Variants in NPHP4 observed in about 807,000 individuals in gnomAD.
NPHP4 encodes the protein nephrocystin-4.
A neutral mutation model predicts 155.8 loss-of-function variants in NPHP4; 151 were observed. The observed-to-expected ratio is 0.97, with a 90% CI of 0.85 to 1.11. The LOEUF (loss-of-function observed/expected upper bound fraction) is 1.11, where lower values mean the gene tolerates loss of function less well. Among genes scored for constraint, NPHP4 ranks in the 50% least tolerant of loss-of-function variants. The probability of loss-of-function intolerance (pLI) is 0.00; values close to 1 mark genes in which losing one functional copy is unlikely to be tolerated. For synonymous variants in NPHP4, 845 were observed against 816.8 expected (o/e 1.03, Z -0.59); for missense variants, 1,956 against 1,925.7 (o/e 1.02, Z -0.29).
intron 3 of NPHP4, among the ~76,000 whole-genome samples, chr1:5,977,641 C>T (rs1336686999): frequency 1.3e-5 from 2 of 150,958 alleles, no homozygotes; most frequent in African/African-American, 4.9e-5. Context: ...GGAATGTATG[C>T]TGTGCAGTGA....
intron 23 of NPHP4, chr1:5,868,447 T>C (rs1239457777): frequency 4.2e-6 from 1 of 239,666 alleles, no homozygotes; most frequent in African/African-American, 2.3e-5. Context: ...TGAAGAGGTA[T>C]TAATTGGGAC....
chr1:5,873,358 G>T, intron 22 of NPHP4, 23 bp from the exon 23 acceptor site: 2 of 1,604,450 alleles, frequency 1.2e-6, no homozygotes, highest in Non-Finnish European at 1.7e-6. Context: ...AACAGCACAA[G>T]CAGGTCAGGA....
At chr1:5,881,193 G>A (rs1643251477) in intron 18 of NPHP4, 1 of 152,324 alleles carries the variant, frequency 6.6e-6, no homozygotes, top group South Asian at 2.1e-4. Flanking sequence ...GCTGCGCCAG[G>A]TTCCTTCCCC....
At chr1:5,980,392 G>A (rs1411473831) in intron 2 of NPHP4, among the ~76,000 whole-genome samples, 1 of 150,930 alleles carries the variant, frequency 6.6e-6, no homozygotes, top group Admixed American at 6.6e-5. Context: ...GGCCAGGGAG[G>A]AGAGAAGGAA....
chr1:5,911,463 G>A (rs1033485675), intron 11 of NPHP4, among the ~76,000 whole-genome samples: 3 of 152,198 alleles, frequency 2.0e-5, no homozygotes, highest in Admixed American at 1.3e-4. Flanking sequence ...GCCTGTGTGC[G>A]TCCTCTTGGG....
At chr1:5,936,766 C>T (rs1253525559) in intron 9 of NPHP4, among the ~76,000 whole-genome samples, 1 of 152,186 alleles carries the variant, frequency 6.6e-6, no homozygotes, top group Admixed American at 6.5e-5. Flanking sequence ...AAACCAGAGT[C>T]CCTGTGGCGG....
At position 5,947,119 on chromosome 1, in the gene NPHP4, T is replaced by C. The variant is rs777588579; in HGVS notation, c.1104A>G (p.Ala368=). The C allele has an allele frequency of 1.7e-5, 28 of 1,613,902 alleles. 1 individual carries two copies. In the South Asian group the frequency reaches 2.7e-4, roughly 16 times the overall value. ...FQLEYVFSSP[A]GVDGNAASVT... ...CTGTTCTTACATTGCCGTCCACTCC[T>C]GCAGGGCTGCTGAACACGTACTCCA... Residue 368 remains alanine, a synonymous_variant, in exon 9 of 30, where the codon GCA becomes GCG. Transcript: ENST00000378156.
At chr1:5,887,555 G>A (rs1375113050) in intron 17 of NPHP4, 89 bp from the exon 18 acceptor site, 23 of 1,415,896 alleles carry the variant, frequency 1.6e-5, no homozygotes, top group Non-Finnish European at 2.2e-5. Flanking sequence ...CCCCAGCCCA[G>A]CAGGAAAGCC....
intron 20 of NPHP4, chr1:5,875,946 A>G (rs796943262): frequency 2.0e-5 from 3 of 152,398 alleles, no homozygotes; most frequent in African/African-American, 7.2e-5. Context: ...ATGACTTTGG[A>G]CATTCACTTT....
intron 11 of NPHP4, among the ~76,000 whole-genome samples, chr1:5,925,052 T>C (rs907657468): frequency 6.6e-6 from 1 of 152,228 alleles, no homozygotes; most frequent in African/African-American, 2.4e-5. Context: ...TGTTCAGGCA[T>C]TTCTACAGAC....
At chr1:5,983,704 T>A (rs543010441) in intron 2 of NPHP4, among the ~76,000 whole-genome samples, 1 of 152,302 alleles carries the variant, frequency 6.6e-6, no homozygotes. Flanking sequence ...GGAGGTGGTC[T>A]TGGAGGCCCC....
intron 11 of NPHP4, among the ~76,000 whole-genome samples, chr1:5,923,781 G>A (rs1402032933): frequency 6.6e-6 from 1 of 152,138 alleles, no homozygotes; most frequent in African/African-American, 2.4e-5. Flanking sequence ...CAAAGCTTAA[G>A]AATATTTATC....
At chr1:5,940,264 C>T (rs909517984) in intron 9 of NPHP4, among the ~76,000 whole-genome samples, 1 of 152,036 alleles carries the variant, frequency 6.6e-6, no homozygotes, top group South Asian at 2.1e-4. Flanking sequence ...CGAGTTCAGC[C>T]CCCCTTTCTC....
chr1:5,987,490 A>G (rs926028316), intron 1 of NPHP4, among the ~76,000 whole-genome samples: 1 of 151,962 alleles, frequency 6.6e-6, no homozygotes, highest in Non-Finnish European at 1.5e-5. Flanking sequence ...GCAGCAGGGA[A>G]AGCCACTGGG....
intron 26 of NPHP4, 82 bp from the exon 27 acceptor site, chr1:5,865,355 G>A (rs1324588802): frequency 5.5e-6 from 7 of 1,280,662 alleles, no homozygotes; most frequent in African/African-American, 1.5e-5. Flanking sequence ...GCTGCCAGGA[G>A]CGTGGGCAGA....
intron 8 of NPHP4, 101 bp from the exon 9 acceptor site, chr1:5,947,331 G>T: frequency 1.6e-6 from 2 of 1,253,788 alleles, no homozygotes; most frequent in Non-Finnish European, 2.3e-6. Flanking sequence ...GACACCCTGG[G>T]GGACACAGGG....
chr1:5,969,093 T>C lies in NPHP4; in HGVS notation c.446A>G (p.Asp149Gly), dbSNP rs1213879328. 1.3e-6 allele frequency: 2 copies of C among 1,547,840 alleles called. No homozygotes were observed. Among genetic ancestry groups the C allele is most frequent in the Non-Finnish European group, 1.7e-6 (2 of 1,144,488 alleles). Reference protein sequence around the residue: ...QPDSPISASQDKRLRLYHGTP... With the variant: ...QPDSPISASQGKRLRLYHGTP... ...GTAGAAACAAGGCAGGTACCTTTTGTCCTGGGAAGCAGAGATAGGAGAGTC... is the reference window on the plus strand; with the variant it reads ...GTAGAAACAAGGCAGGTACCTTTTGCCCTGGGAAGCAGAGATAGGAGAGTC... Residue 149 changes from aspartate (D) to glycine (G), a missense_variant, in exon 4 of 30, where the codon GAC becomes GGC. Physicochemically the swap from Asp to Gly is moderately conservative, Grantham distance 94 (BLOSUM62 -1). Transcript: ENST00000378156.
At position 5,930,025 on chromosome 1, in the gene NPHP4, G is replaced by C. The variant is rs185455863; in HGVS notation, c.1303-2238C>G. Among the ~76,000 whole-genome samples the C allele has an allele frequency of 4.2e-3, 643 of 152,162 alleles. 6 individuals are homozygous for C. Among genetic ancestry groups the C allele is most frequent in the African/African-American group, 0.014 (596 of 41,526 alleles). ...ATCTACTTCATCTTGGCTGAGTTTT[G>C]GCAATGTGGAGTTTCATATTCATTC... On this transcript the variant is annotated intron_variant, in intron 10 of 29. Transcript: ENST00000378156.
chr1:5,874,775 C>T (rs1642396710), intron 21 of NPHP4, 99 bp downstream of exon 21: 2 of 1,525,534 alleles, frequency 1.3e-6, no homozygotes, highest in African/African-American at 1.4e-5. Context: ...GTCAAATCGC[C>T]CCGGCTCTCG....
Sources: gnomAD v4.1 joint callset for allele counts (sites outside exome capture counted in the v4.1 genomes callset) on GRCh38, gnomAD v4.1.1 for gene constraint, MANE v1.5 for transcripts, NCBI Gene and HGNC (gene_info 2026-07-23, HGNC 2026-07-21) for gene names.